Variants in SPTLC1 observed in about 807,000 individuals in gnomAD.
The protein encoded by SPTLC1 is serine palmitoyltransferase 1.
In SPTLC1, 55 loss-of-function variants were observed where a neutral mutation model predicts 68.9. That is an observed-to-expected ratio of 0.80 (90% CI 0.64 to 1.00). The LOEUF (loss-of-function observed/expected upper bound fraction) is 1.00. Among genes scored for constraint, SPTLC1 ranks in the 50% least tolerant of loss-of-function variants. The pLI is 0.00. For synonymous variants in SPTLC1, 197 were observed against 201.6 expected (o/e 0.98, Z 0.19); for missense variants, 449 against 573.1 (o/e 0.78, Z 2.21).
chr9:92,046,633 T>C (rs575334414), intron 11 of SPTLC1, among the ~76,000 whole-genome samples: 1 of 152,282 alleles, frequency 6.6e-6, no homozygotes, highest in South Asian at 2.1e-4. Flanking sequence ...GTTTTAAGCT[T>C]TGCAAAGGTG....
intron 5 of SPTLC1, among the ~76,000 whole-genome samples, chr9:92,072,335 A>G (rs1398679832): frequency 6.6e-6 from 1 of 152,058 alleles, no homozygotes; most frequent in Non-Finnish European, 1.5e-5. Flanking sequence ...CTCAAAATTG[A>G]GACAAGGAAC....
chr9:92,108,971 T>G, intron 2 of SPTLC1, 137 bp from the exon 3 acceptor site: 1 of 1,335,370 alleles, frequency 7.5e-7, no homozygotes, highest in Non-Finnish European at 1.0e-6. Flanking sequence ...TTCAAGCTTA[T>G]GTCTTCACAC....
chr9:92,087,686 G>T (rs1026818222), intron 3 of SPTLC1, among the ~76,000 whole-genome samples: 1 of 152,168 alleles, frequency 6.6e-6, no homozygotes, highest in East Asian at 1.9e-4. Context: ...GCTGCTCAGG[G>T]GTCAGGGGTC....
At chr9:92,071,586 T>C (rs1200103654) in intron 5 of SPTLC1, among the ~76,000 whole-genome samples, 1 of 152,222 alleles carries the variant, frequency 6.6e-6, no homozygotes, top group Non-Finnish European at 1.5e-5. Flanking sequence ...CAATGATTGT[T>C]CCCACTTACA....
At chr9:92,053,964 A>C (rs1411355291) in intron 8 of SPTLC1, 1 of 985,300 alleles carries the variant, frequency 1.0e-6, no homozygotes, top group Non-Finnish European at 1.2e-6. Context: ...TTCTAAAAAC[A>C]GTTATGCTGC....
chr9:92,084,609 C>A (rs1330511922), intron 3 of SPTLC1, among the ~76,000 whole-genome samples: 1 of 151,674 alleles, frequency 6.6e-6, no homozygotes, highest in Non-Finnish European at 1.5e-5. Context: ...TCATGGTGGA[C>A]AAGCTTTTTG....
chr9:92,112,347 C>T, intron 2 of SPTLC1, 108 bp downstream of exon 2: 2 of 766,410 alleles, frequency 2.6e-6, no homozygotes, highest in Non-Finnish European at 4.5e-6. Flanking sequence ...CCTTACATTA[C>T]AGAAAATGCT....
At chr9:92,050,190 G>A in intron 8 of SPTLC1, 123 bp from the exon 9 acceptor site, 2 of 694,054 alleles carry the variant, frequency 2.9e-6, no homozygotes, top group Non-Finnish European at 5.1e-6. Context: ...TTCTATATGT[G>A]CAAATTCATC....
At chr9:92,048,620 T>C (rs1010937487) in intron 9 of SPTLC1, among the ~76,000 whole-genome samples, 2 of 152,200 alleles carry the variant, frequency 1.3e-5, no homozygotes, top group Non-Finnish European at 2.9e-5. Context: ...CATTTCTTTG[T>C]AGTGAGTCCC....
In SPTLC1 at chr9:92,047,713, C is replaced by A; in HGVS notation, c.889-5G>T. On this transcript the variant is annotated splice_polypyrimidine_tract_variant and splice_region_variant and intron_variant, in intron 9 of 14. Coordinates refer to ENST00000262554, the MANE Select transcript of SPTLC1 (RefSeq NM_006415.4). Reference sequence around the variant, plus strand: ...GATAAGATCAATATCATCAATCTGCCGGAAAAGGAGGAGTGACAGTTATTC... The same window carrying A: ...GATAAGATCAATATCATCAATCTGCAGGAAAAGGAGGAGTGACAGTTATTC... The A allele has an allele frequency of 1.1e-5, 18 of 1,602,288 alleles. No homozygotes were observed. The highest frequency in any genetic ancestry group is 1.5e-5 in the Non-Finnish European group (18 of 1,170,730).
intron 5 of SPTLC1, among the ~76,000 whole-genome samples, chr9:92,077,591 G>C (rs1325893120): frequency 1.3e-5 from 2 of 152,014 alleles, no homozygotes; most frequent in South Asian, 2.1e-4. Context: ...TCCTGAAAAA[G>C]AACAATAACC....
At chr9:92,084,433 TGA>T (rs1214964565) in intron 3 of SPTLC1, among the ~76,000 whole-genome samples, 2 of 152,230 alleles carry the variant, frequency 1.3e-5, no homozygotes, top group African/African-American at 4.8e-5. Flanking sequence ...CCTAATTTAT[TGA>T]GAGTTTTCAG....
Position 92,066,758 on chromosome 9 carries a change from C to T in SPTLC1, c.560+1208G>A, listed in dbSNP as rs1290910728. On this transcript the variant is annotated intron_variant, in intron 6 of 14. Coordinates refer to ENST00000262554, the MANE Select transcript of SPTLC1 (RefSeq NM_006415.4). ...AGGAGGCCAGGCACAGTGGCTCACGCCTGTAATCCCAGGAGTTCAAGACCA... is the reference window on the plus strand; with the variant it reads ...AGGAGGCCAGGCACAGTGGCTCACGTCTGTAATCCCAGGAGTTCAAGACCA... 2.6e-5 allele frequency among the ~76,000 whole-genome samples: 4 copies of T among 152,156 alleles called. No individual in the cohort carries two copies. In the South Asian group the frequency reaches 6.2e-4, roughly 24 times the overall value.
intron 13 of SPTLC1, among the ~76,000 whole-genome samples, chr9:92,035,630 A>G (rs1169970586): frequency 6.6e-6 from 1 of 152,198 alleles, no homozygotes; most frequent in Non-Finnish European, 1.5e-5. Flanking sequence ...TTAACGATAT[A>G]CTTCAATAGG....
chr9:92,040,712 C>T (rs144424085), intron 12 of SPTLC1, among the ~76,000 whole-genome samples: 2 of 150,774 alleles, frequency 1.3e-5, no homozygotes, highest in East Asian at 3.9e-4. Flanking sequence ...GAGCTGAGAT[C>T]GCGCCACTGT....
chr9:92,115,128 C>CCCCCCG, intron 1 of SPTLC1, 186 bp downstream of exon 1: 1 of 593,186 alleles, frequency 1.7e-6, no homozygotes, highest in Non-Finnish European at 3.0e-6. Flanking sequence ...CCCCCGCCCC[C>CCCCCCG]GCCCGTTCCT....
chr9:92,082,310 T>C lies in SPTLC1; in HGVS notation c.261-1347A>G, dbSNP rs111522190. ...AATGTGCAGGTTAGTTACATATCTATACATGTGACATGCTGGTGTGCTGCA... is the reference window on the plus strand; with the variant it reads ...AATGTGCAGGTTAGTTACATATCTACACATGTGACATGCTGGTGTGCTGCA... On this transcript the variant is annotated intron_variant, in intron 3 of 14. Transcript: ENST00000262554. 3.6e-3 allele frequency among the ~76,000 whole-genome samples: 551 copies of C among 152,122 alleles called. 6 individuals are homozygous for C. The highest frequency in any genetic ancestry group is 3.0e-3 in the Non-Finnish European group (201 of 67,980).
intron 3 of SPTLC1, among the ~76,000 whole-genome samples, chr9:92,084,298 G>C (rs1226019209): frequency 6.6e-6 from 1 of 151,168 alleles, no homozygotes; most frequent in Non-Finnish European, 1.5e-5. Flanking sequence ...AGTGGTGAGA[G>C]AGGGCATCCC....
chr9:92,062,341 CAAAA>C (rs977050212), intron 6 of SPTLC1, among the ~76,000 whole-genome samples: 2 of 151,864 alleles, frequency 1.3e-5, no homozygotes, highest in Non-Finnish European at 2.9e-5. Flanking sequence ...ATGAACTAAA[CAAAA>C]AAGCTAAATT....
Sources: gnomAD v4.1 joint callset for allele counts (sites outside exome capture counted in the v4.1 genomes callset) on GRCh38, gnomAD v4.1.1 for gene constraint, MANE v1.5 for transcripts, NCBI Gene and HGNC (gene_info 2026-07-23, HGNC 2026-07-21) for gene names.